Variants in MCM6 observed in about 807,000 individuals in gnomAD.
MCM6 encodes the protein minichromosome maintenance complex component 6, also known as DNA replication licensing factor MCM6.
In MCM6, 46 loss-of-function variants were observed where a neutral mutation model predicts 94.3. That is an observed-to-expected ratio of 0.49 (90% CI 0.39 to 0.62). The LOEUF (loss-of-function observed/expected upper bound fraction) is 0.62. MCM6 is among the 20% of genes least tolerant of loss of function. The probability of loss-of-function intolerance (pLI) is 0.00; values close to 1 mark genes in which losing one functional copy is unlikely to be tolerated. For missense variants in MCM6, 865 were observed against 1,017.9 expected (o/e 0.85, Z 2.04); for synonymous variants, 335 against 351.9 (o/e 0.95, Z 0.54).
At chr2:135,845,552 C>T (rs1043801771) in intron 15 of MCM6, among the ~76,000 whole-genome samples, 1 of 152,178 alleles carries the variant, frequency 6.6e-6, no homozygotes, top group African/African-American at 2.4e-5. Flanking sequence ...TCTTTCATAG[C>T]AGAGCAAATA....
Position 135,870,292 on chromosome 2 carries a change from C to G in MCM6, c.324G>C (p.Lys108Asn), listed in dbSNP as rs553009731. ...VKDRKEIPLAKDFYVAFQDLP... is the reference protein window; with the variant it reads ...VKDRKEIPLANDFYVAFQDLP... ...GGTCTTGGAATGCAACATAAAAATC[C>G]TTGGCAAGAGGGATCTCTTTACGGT... The change falls in exon 3 of 17, where the codon AAG becomes AAC. Residue 108 changes from lysine (K) to asparagine (N), a missense_variant. By Grantham distance (94) the Lys-to-Asn change is moderately conservative (BLOSUM62 0). Coordinates refer to ENST00000264156, the MANE Select transcript of MCM6 (RefSeq NM_005915.6). The G allele has an allele frequency of 6.2e-7, 1 of 1,613,770 alleles. No homozygotes were observed. The highest frequency in any genetic ancestry group is 2.2e-5 in the East Asian group (1 of 44,864).
intron 1 of MCM6, among the ~76,000 whole-genome samples, chr2:135,875,671 G>A (rs1447253853): frequency 6.6e-6 from 1 of 152,172 alleles, no homozygotes; most frequent in African/African-American, 2.4e-5. Flanking sequence ...GAAGGCCAGA[G>A]GGAAAGGGGA....
At chr2:135,868,912 T>A (rs754439668) in intron 3 of MCM6, 52 bp from the exon 4 acceptor site, 18 of 1,553,020 alleles carry the variant, frequency 1.2e-5, no homozygotes, top group Non-Finnish European at 1.2e-5. Context: ...TAACTAAGAA[T>A]CTTTCCATTT....
At chr2:135,871,042 C>T (rs1379146080) in intron 2 of MCM6, among the ~76,000 whole-genome samples, 1 of 152,102 alleles carries the variant, frequency 6.6e-6, no homozygotes, top group African/African-American at 2.4e-5. Context: ...TGTGAGCCAC[C>T]ACATCTGGCT....
rs544417851 is a variant in MCM6 at position 135,870,375 on chromosome 2, A to C, written c.255-14T>G. The C allele has an allele frequency of 6.1e-5, 97 of 1,589,232 alleles. No homozygotes were observed. In the East Asian group the frequency reaches 2.1e-3, roughly 34 times the overall value. ...TAAGGGTAAACTCTGAAAAACAAAA[A>C]AGTCAGCTGATACCTTAGAGGTTTA... On this transcript the variant is annotated splice_polypyrimidine_tract_variant and intron_variant, in intron 2 of 16. Coordinates refer to ENST00000264156, the MANE Select transcript of MCM6 (RefSeq NM_005915.6).
At chr2:135,854,530 A>AG (rs1491336025) in intron 11 of MCM6, among the ~76,000 whole-genome samples, 1 of 29,044 alleles carries the variant, frequency 3.4e-5, no homozygotes, top group East Asian at 6.5e-4. Context: ...ACTCCATCTC[A>AG]AAAAAAAAAA....
chr2:135,840,816 G>T lies in MCM6; in HGVS notation c.*19C>A, dbSNP rs1679554224. The T allele has an allele frequency of 1.3e-6, 2 of 1,552,422 alleles. No individual in the cohort carries two copies. Among genetic ancestry groups the T allele is most frequent in the Non-Finnish European group, 1.8e-6 (2 of 1,123,802 alleles). ...GCTGTGCCACAGTTCCTCAGCTCTG[G>T]TCAGTTACTTTCACTATCTCAATCT... On this transcript the variant is annotated 3_prime_UTR_variant, in exon 17 of 17. Transcript: ENST00000264156.
At chr2:135,865,311 C>T (rs979175168) in intron 6 of MCM6, 148 bp from the exon 7 acceptor site, 6 of 487,668 alleles carry the variant, frequency 1.2e-5, no homozygotes, top group African/African-American at 1.2e-4. Context: ...AAACAACTCC[C>T]CAAACTAGTA....
chr2:135,876,402 C>T lies in MCM6; in HGVS notation c.-37G>A, dbSNP rs369970836. Reference sequence around the variant, plus strand: ...GCCGAGGATTCGCCTGCGCCACGCTCGACCGCCACAAGTCGCTTTTTTCCA... The same window carrying T: ...GCCGAGGATTCGCCTGCGCCACGCTTGACCGCCACAAGTCGCTTTTTTCCA... On this transcript the variant is annotated 5_prime_UTR_variant, in exon 1 of 17. Coordinates refer to ENST00000264156, the MANE Select transcript of MCM6 (RefSeq NM_005915.6). 1.3e-6 allele frequency: 2 copies of T among 1,527,982 alleles called. No individual in the cohort carries two copies. Among genetic ancestry groups the T allele is most frequent in the Non-Finnish European group, 1.8e-6 (2 of 1,133,328 alleles). The allele number at this position is 1,527,982 out of a possible 1,614,324, so 94.7% of individuals were successfully genotyped here. A position where few individuals can be genotyped will look rare whatever the true frequency, so the allele number is the denominator to read the frequency against.
At chr2:135,846,793 C>G (rs1212661299) in intron 14 of MCM6, among the ~76,000 whole-genome samples, 1 of 152,164 alleles carries the variant, frequency 6.6e-6, no homozygotes, top group African/African-American at 2.4e-5. Context: ...CACCTGAGGT[C>G]AGGAGTTTGA....
chr2:135,852,562 TA>T (rs1679797011), intron 12 of MCM6, among the ~76,000 whole-genome samples: 1 of 152,172 alleles, frequency 6.6e-6, no homozygotes, highest in Non-Finnish European at 1.5e-5. Flanking sequence ...CAAATCTTTT[TA>T]TTACCACCAA....
chr2:135,869,871 T>C (rs1206815687), intron 3 of MCM6, among the ~76,000 whole-genome samples: 4 of 152,208 alleles, frequency 2.6e-5, no homozygotes, highest in Non-Finnish European at 5.9e-5. Flanking sequence ...TCTCCAACAC[T>C]AAACTTTCTG....
At chr2:135,866,515 A>C in intron 5 of MCM6, 48 bp downstream of exon 5, 2 of 1,564,706 alleles carry the variant, frequency 1.3e-6, no homozygotes, top group South Asian at 2.4e-5. Flanking sequence ...GATACTGTGC[A>C]GTTTAGGTAA....
At chr2:135,872,217 G>A (rs1452625570) in intron 2 of MCM6, among the ~76,000 whole-genome samples, 2 of 152,216 alleles carry the variant, frequency 1.3e-5, no homozygotes, top group South Asian at 2.1e-4. Context: ...AGGCCGAGGC[G>A]GGCGGATCAC....
intron 7 of MCM6, 77 bp downstream of exon 7, chr2:135,864,936 T>C: frequency 8.6e-7 from 1 of 1,168,664 alleles, no homozygotes. Flanking sequence ...ATTTATGTGC[T>C]TTCAGAAATC....
At chr2:135,868,536 T>C in intron 4 of MCM6, 75 bp downstream of exon 4, 1 of 1,451,478 alleles carries the variant, frequency 6.9e-7, no homozygotes, top group Non-Finnish European at 9.6e-7. Flanking sequence ...ATTATCTAAA[T>C]AAGCTATTGC....
intron 3 of MCM6, among the ~76,000 whole-genome samples, chr2:135,869,603 G>C (rs539444709): frequency 2.6e-5 from 4 of 152,054 alleles, no homozygotes; most frequent in African/African-American, 9.6e-5. Context: ...TATAATTTCA[G>C]TAGTTTAACT....
chr2:135,876,011 G>C (rs1246344727), intron 1 of MCM6, among the ~76,000 whole-genome samples: 3 of 152,222 alleles, frequency 2.0e-5, no homozygotes, highest in Non-Finnish European at 2.9e-5. Flanking sequence ...AGTGACAGAA[G>C]CAAAGCGCTG....
intron 4 of MCM6, 105 bp downstream of exon 4, chr2:135,868,506 A>T: frequency 8.7e-7 from 1 of 1,143,896 alleles, no homozygotes; most frequent in South Asian, 1.5e-5. Flanking sequence ...TGCTTAACTT[A>T]CATAAAAATT....
Sources: allele counts gnomAD v4.1 joint callset (sites outside exome capture counted in the v4.1 genomes callset), GRCh38; gene constraint gnomAD v4.1.1; transcripts MANE v1.5; gene names NCBI Gene and HGNC (gene_info 2026-07-23, HGNC 2026-07-21).